The following WASF3 variants were observed in gnomAD, a reference collection of about 807,000 sequenced individuals.
WASF3 encodes the protein actin-binding protein WASF3.
In WASF3, 11 loss-of-function variants were observed where a neutral mutation model predicts 46.6. The ratio of observed to expected loss-of-function variants is 0.24; its 90% CI spans 0.15 to 0.39. WASF3 has a LOEUF of 0.39. Ranked by LOEUF, WASF3 falls within the 10% of genes least tolerant of loss-of-function variation. WASF3 has a pLI of 1.00. For missense variants in WASF3, 576 were observed against 669.8 expected, an observed-to-expected ratio of 0.86 and a Z score of 1.55; for synonymous variants, 242 against 259.7, an observed-to-expected ratio of 0.93 and a Z score of 0.65.
chr13:26,613,848 A>G (rs1881053231), intron 2 of WASF3, among the ~76,000 whole-genome samples: 2 of 152,168 alleles, frequency 1.3e-5, no homozygotes, highest in African/African-American at 4.8e-5. Flanking sequence ...GGTGATCGTG[A>G]TAGTGGCTAA....
intron 1 of WASF3, among the ~76,000 whole-genome samples, chr13:26,587,693 ACAAT>A (rs1880172489): frequency 6.6e-6 from 1 of 152,178 alleles, no homozygotes; most frequent in African/African-American, 2.4e-5. Context: ...ATGGGAGAAG[ACAAT>A]CAAGGGGGTG....
At chr13:26,677,599 A>G (rs972066440) in intron 7 of WASF3, among the ~76,000 whole-genome samples, 8 of 152,180 alleles carry the variant, frequency 5.3e-5, no homozygotes, top group African/African-American at 9.7e-5. Context: ...CGTGCCTTCA[A>G]TGTTCCCACC....
At chr13:26,559,426 A>T (rs904047106) in intron 1 of WASF3, among the ~76,000 whole-genome samples, 2 of 152,212 alleles carry the variant, frequency 1.3e-5, no homozygotes, top group African/African-American at 4.8e-5. Flanking sequence ...AAAATTTACA[A>T]CCTAATAGTC....
intron 2 of WASF3, among the ~76,000 whole-genome samples, chr13:26,621,870 C>T (rs1189512677): frequency 6.6e-6 from 1 of 152,002 alleles, no homozygotes; most frequent in African/African-American, 2.4e-5. Flanking sequence ...TAACTCCAAG[C>T]AGAGTGCTGT....
chr13:26,621,045 G>A (rs916371572), intron 2 of WASF3, among the ~76,000 whole-genome samples: 7 of 152,092 alleles, frequency 4.6e-5, no homozygotes, highest in East Asian at 1.9e-4. Flanking sequence ...ATCCTCAAAC[G>A]TCTGTTGAAT....
At chr13:26,672,722 T>G (rs1406585337) in intron 6 of WASF3, among the ~76,000 whole-genome samples, 2 of 152,206 alleles carry the variant, frequency 1.3e-5, no homozygotes, top group African/African-American at 4.8e-5. Flanking sequence ...CTTTACAGAT[T>G]AGAGCGCTTT....
rs114798281 is a variant in WASF3 at position 26,655,324 on chromosome 13, G to A, written c.134-9704G>A. Reference sequence around the variant, plus strand: ...GGTCTGGATTTTCTAATGTTTCCTCGTGACTGGATTTAAGATATTGAAAGA... The same window carrying A: ...GGTCTGGATTTTCTAATGTTTCCTCATGACTGGATTTAAGATATTGAAAGA... On this transcript the variant is annotated intron_variant, in intron 3 of 9. Coordinates refer to ENST00000335327, the MANE Select transcript of WASF3 (RefSeq NM_006646.6). 2.6e-3 allele frequency among the ~76,000 whole-genome samples: 392 copies of A among 152,208 alleles called. 1 individual carries two copies. Among genetic ancestry groups the A allele is most frequent in the African/African-American group, 9.2e-3 (382 of 41,538 alleles).
chr13:26,622,921 C>T (rs1881351354), intron 2 of WASF3, among the ~76,000 whole-genome samples: 1 of 152,122 alleles, frequency 6.6e-6, no homozygotes, highest in Non-Finnish European at 1.5e-5. Context: ...TATAAGAGAA[C>T]ATTGCTTCTA....
At chr13:26,553,901 G>A (rs1348262673), upstream of WASF3, among the ~76,000 whole-genome samples, 1 of 151,880 alleles carries the variant, frequency 6.6e-6, no homozygotes, top group Non-Finnish European at 1.5e-5. Context: ...AGGTATATGG[G>A]TGTTCCTTCT....
intron 1 of WASF3, among the ~76,000 whole-genome samples, chr13:26,577,914 C>G (rs1879850433): frequency 1.3e-5 from 2 of 152,162 alleles, no homozygotes; most frequent in Admixed American, 1.3e-4. Flanking sequence ...TAGGTTTCCT[C>G]TTTGTAGTCA....
chr13:26,663,505 G>A (rs2137462001), intron 3 of WASF3, among the ~76,000 whole-genome samples: 1 of 152,324 alleles, frequency 6.6e-6, no homozygotes, highest in Middle Eastern at 3.4e-3. Flanking sequence ...ACCATGCTGT[G>A]GATATTGAGC....
chr13:26,661,284 C>T (rs541749736), intron 3 of WASF3, among the ~76,000 whole-genome samples: 2 of 152,338 alleles, frequency 1.3e-5, no homozygotes, highest in South Asian at 2.1e-4. Context: ...CCATTTCCCT[C>T]TTCCTCTGAC....
At chr13:26,574,213 G>A (rs1324454143) in intron 1 of WASF3, among the ~76,000 whole-genome samples, 1 of 152,072 alleles carries the variant, frequency 6.6e-6, no homozygotes, top group Non-Finnish European at 1.5e-5. Flanking sequence ...GTGGAGTGCT[G>A]TCTCTCTCTC....
chr13:26,561,133 G>T (rs568536618), intron 1 of WASF3, among the ~76,000 whole-genome samples: 7 of 152,158 alleles, frequency 4.6e-5, no homozygotes, highest in African/African-American at 7.2e-5. Flanking sequence ...AGGAGGGACT[G>T]TGCCTTGTGG....
chr13:26,572,545 C>G (rs531345778), intron 1 of WASF3, among the ~76,000 whole-genome samples: 5 of 152,054 alleles, frequency 3.3e-5, no homozygotes, highest in African/African-American at 9.7e-5. Flanking sequence ...ATTTCCTAAT[C>G]GGAATCATTA....
intron 1 of WASF3, among the ~76,000 whole-genome samples, chr13:26,569,629 CAAT>C (rs1566037658): frequency 6.6e-6 from 1 of 152,074 alleles, no homozygotes; most frequent in South Asian, 2.1e-4. Flanking sequence ...GAAAAATACT[CAAT>C]GATGTGAACA....
At chr13:26,580,516 G>T (rs1370767176) in intron 1 of WASF3, among the ~76,000 whole-genome samples, 1 of 151,894 alleles carries the variant, frequency 6.6e-6, no homozygotes, top group Non-Finnish European at 1.5e-5. Flanking sequence ...TGAAGTATTG[G>T]ATTTCATATG....
At chr13:26,559,804 CTTTCTTTTTTTT>C (rs1317167376) in intron 1 of WASF3, among the ~76,000 whole-genome samples, 3 of 50,664 alleles carry the variant, frequency 5.9e-5, no homozygotes, top group South Asian at 7.7e-4. Flanking sequence ...TTCTTTCTTT[CTTTCTTTTTTTT>C]TTTTTTTTTT....
chr13:26,652,502 T>TA (rs1198074379), intron 3 of WASF3, among the ~76,000 whole-genome samples: 3 of 152,312 alleles, frequency 2.0e-5, no homozygotes, highest in African/African-American at 7.2e-5. Flanking sequence ...TTGAACAATA[T>TA]ACCAGCCAGT....
Sources: allele counts gnomAD v4.1 joint callset (sites outside exome capture counted in the v4.1 genomes callset), GRCh38; gene constraint gnomAD v4.1.1; transcripts MANE v1.5; gene names NCBI Gene and HGNC (gene_info 2026-07-23, HGNC 2026-07-21).